The following METTL24 variants were observed in gnomAD, a reference collection of about 807,000 sequenced individuals.
METTL24 encodes probable methyltransferase-like protein 24.
Under a neutral mutation model 32.7 loss-of-function variants are expected in METTL24, and 29 were observed. The observed-to-expected ratio is 0.89, with a 90% CI of 0.66 to 1.21. METTL24 has a LOEUF of 1.21. Among genes scored for constraint, METTL24 ranks in the 50% most tolerant of loss-of-function variants. METTL24 has a pLI of 0.00. For synonymous variants in METTL24, 163 were observed against 179.5 expected (o/e 0.91, Z 0.73); for missense variants, 439 against 468.1 (o/e 0.94, Z 0.57).
chr6:110,358,214 C>T lies in METTL24; in HGVS notation c.59G>A (p.Gly20Glu). The change falls in exon 1 of 5, where the codon GGG becomes GAG. Residue 20 changes from glycine (G) to glutamate (E), a missense_variant. By Grantham distance (98) the Gly-to-Glu change is moderately conservative. Coordinates refer to ENST00000338882, the MANE Select transcript of METTL24 (RefSeq NM_001123364.3). ...CCGCAGGCCGAACAACAGCACAGCC[C>T]CGAGTAGACACCGGCGCAGGACGCC... The part of the protein sequence containing the change: ...GCGVLRRCLL[G>E]AVLLFGLRLC... 6.7e-7 allele frequency: 1 copy of T among 1,483,342 alleles called. No individual in the cohort carries two copies. Among genetic ancestry groups the T allele is most frequent in the South Asian group, 1.3e-5 (1 of 79,444 alleles). The allele number at this position is 1,483,342 out of a possible 1,614,324, so 91.9% of individuals were successfully genotyped here. A position where few individuals can be genotyped will look rare whatever the true frequency, so the allele number is the denominator to read the frequency against.
chr6:110,332,863 T>C (rs9487381), intron 1 of METTL24, among the ~76,000 whole-genome samples: 18,648 of 150,964 alleles, frequency 0.12, 2,149 homozygotes, highest in African/African-American at 0.3. Context: ...GAGCTATGGT[T>C]GCAACACTGC....
At chr6:110,306,295 T>TA (rs1272424517) in intron 3 of METTL24, among the ~76,000 whole-genome samples, 1 of 151,788 alleles carries the variant, frequency 6.6e-6, no homozygotes, top group African/African-American at 2.4e-5. Flanking sequence ...TCCCAGAACT[T>TA]AAAGTATAAT....
chr6:110,305,668 A>G (rs1474836015), intron 3 of METTL24, among the ~76,000 whole-genome samples: 1 of 152,074 alleles, frequency 6.6e-6, no homozygotes, highest in Non-Finnish European at 1.5e-5. Flanking sequence ...TTTAAAAGTC[A>G]GGAAACAACA....
chr6:110,261,923 A>G (rs527872076), intron 4 of METTL24, among the ~76,000 whole-genome samples: 1 of 152,348 alleles, frequency 6.6e-6, no homozygotes, highest in South Asian at 2.1e-4. Flanking sequence ...ACCAACGAGA[A>G]CAAAGACACA....
chr6:110,334,124 C>T (rs949076400), intron 1 of METTL24, among the ~76,000 whole-genome samples: 15 of 152,140 alleles, frequency 9.9e-5, no homozygotes, highest in East Asian at 7.8e-4. Context: ...GGGGTCTTCC[C>T]GCAACACCTG....
intron 2 of METTL24, among the ~76,000 whole-genome samples, chr6:110,316,822 G>A (rs1771828035): frequency 6.6e-6 from 1 of 152,140 alleles, no homozygotes; most frequent in Non-Finnish European, 1.5e-5. Flanking sequence ...GGAAGGTTGA[G>A]GCTGCAGTGA....
At chr6:110,353,011 A>G (rs1449932814) in intron 1 of METTL24, among the ~76,000 whole-genome samples, 3 of 152,216 alleles carry the variant, frequency 2.0e-5, no homozygotes, top group Admixed American at 2.0e-4. Flanking sequence ...TTGAAAAACA[A>G]TCGAGCCTCC....
At chr6:110,323,243 G>A (rs1331938120) in intron 1 of METTL24, among the ~76,000 whole-genome samples, 4 of 152,188 alleles carry the variant, frequency 2.6e-5, no homozygotes, top group African/African-American at 4.8e-5. Flanking sequence ...CTCCCTTATC[G>A]ACGACAGTCT....
intron 1 of METTL24, among the ~76,000 whole-genome samples, chr6:110,352,555 C>T (rs1772626181): frequency 1.3e-5 from 2 of 151,488 alleles, no homozygotes; most frequent in African/African-American, 4.9e-5. Context: ...ATTATTTGAA[C>T]AGGATAAAAA....
In METTL24 at chr6:110,246,223, C is replaced by T; in HGVS notation, c.824G>A (p.Trp275Ter). The T allele has an allele frequency of 6.2e-7, 1 of 1,613,754 alleles. No homozygotes were observed. The highest frequency in any genetic ancestry group is 8.5e-7 in the Non-Finnish European group (1 of 1,179,822). The change falls in exon 5 of 5, where the codon TGG becomes TAG. Residue 275 changes from tryptophan to a stop codon, truncating the protein, a stop_gained. Transcript: ENST00000338882. LOFTEE classifies it high-confidence loss of function. ...VLKADLESAEWKVLENLILED... is the reference protein window; with the variant it reads ...VLKADLESAE ...CAGAATAAGATTTTCCAAAACTTTCCATTCTGCACTTTCCAGATCTGCCTT... is the reference window on the plus strand; with the variant it reads ...CAGAATAAGATTTTCCAAAACTTTCTATTCTGCACTTTCCAGATCTGCCTT...
chr6:110,309,429 C>G (rs918855173), intron 3 of METTL24, among the ~76,000 whole-genome samples: 3 of 152,150 alleles, frequency 2.0e-5, no homozygotes, highest in African/African-American at 7.2e-5. Context: ...ACACGCAATG[C>G]CACATTTCAT....
intron 4 of METTL24, 26 bp downstream of exon 4, chr6:110,298,896 G>T: frequency 1.3e-6 from 2 of 1,598,238 alleles, no homozygotes; most frequent in Non-Finnish European, 1.7e-6. Flanking sequence ...CTTTATTCAA[G>T]TATAAAATCA....
chr6:110,302,483 A>C (rs1771536610), intron 3 of METTL24, among the ~76,000 whole-genome samples: 1 of 74,024 alleles, frequency 1.4e-5, no homozygotes, highest in South Asian at 3.8e-4. Flanking sequence ...ATACACATAT[A>C]CACACATATG....
In METTL24 at chr6:110,331,659, CAAAAAAAAA is replaced by C. The variant is rs59304999; in HGVS notation, c.319-8796_319-8788del. Reference sequence around the variant, plus strand: ...TGTCTGACAAAGTGAGACCCTGCCTCAAAAAAAAAAAAAAAAAAAAAGGAAGAAAGAATG... The same window carrying C: ...TGTCTGACAAAGTGAGACCCTGCCTCAAAAAAAAAAAAGGAAGAAAGAATG... On this transcript the variant is annotated intron_variant, in intron 1 of 4. Transcript: ENST00000338882. 2.4e-3 allele frequency among the ~76,000 whole-genome samples: 140 copies of C among 58,850 alleles called. 1 individual carries two copies. The highest frequency in any genetic ancestry group is 8.1e-3 in the African/African-American group (137 of 16,968). The allele number at this position is 58,850 out of a possible 152,430, so 38.6% of individuals were successfully genotyped here.
chr6:110,346,010 C>A (rs1387853783), intron 1 of METTL24, among the ~76,000 whole-genome samples: 2 of 152,314 alleles, frequency 1.3e-5, no homozygotes, highest in East Asian at 3.9e-4. Flanking sequence ...TCTGTAGAAA[C>A]CATTCTTAGC....
intron 4 of METTL24, among the ~76,000 whole-genome samples, chr6:110,261,201 G>C (rs1039660505): frequency 6.6e-6 from 1 of 152,194 alleles, no homozygotes; most frequent in East Asian, 1.9e-4. Context: ...AGACCCATCA[G>C]TGTGCTGTAT....
intron 3 of METTL24, among the ~76,000 whole-genome samples, chr6:110,307,961 A>G (rs1771653969): frequency 6.6e-6 from 1 of 152,242 alleles, no homozygotes; most frequent in African/African-American, 2.4e-5. Context: ...TAGAAGGACC[A>G]TTAAATCTGA....
At chr6:110,356,214 C>T (rs1391534053) in intron 1 of METTL24, among the ~76,000 whole-genome samples, 1 of 152,018 alleles carries the variant, frequency 6.6e-6, no homozygotes, top group Non-Finnish European at 1.5e-5. Flanking sequence ...GGGATTGAGG[C>T]GGGTGGGTCA....
In METTL24 at chr6:110,245,846, A is replaced by C; in HGVS notation, c.*100T>G. 1 of 1,220,668 alleles carries C rather than the reference A, an allele frequency of 8.2e-7. No individual in the cohort carries two copies. Among genetic ancestry groups the C allele is most frequent in the Admixed American group, 2.1e-5 (1 of 48,564 alleles). 75.6% of individuals were successfully genotyped at this position (1,220,668 alleles called of 1,614,324 possible). Reference sequence around the variant, plus strand: ...ACACACTCCCTGCCTCAAGCAGGGCACAGGCTAGCAGGAGACTGGATGAGT... The same window carrying C: ...ACACACTCCCTGCCTCAAGCAGGGCCCAGGCTAGCAGGAGACTGGATGAGT... On this transcript the variant is annotated 3_prime_UTR_variant, in exon 5 of 5. Transcript: ENST00000338882.
Sources: gnomAD v4.1 joint callset for allele counts (sites outside exome capture counted in the v4.1 genomes callset) on GRCh38, gnomAD v4.1.1 for gene constraint, MANE v1.5 for transcripts, NCBI Gene and HGNC (gene_info 2026-07-23, HGNC 2026-07-21) for gene names.